Variants in PCDHA11 observed in about 807,000 individuals in gnomAD.
PCDHA11 encodes the protein protocadherin alpha 11.
In PCDHA11, 61 loss-of-function variants were observed where a neutral mutation model predicts 70.3. The observed-to-expected ratio is 0.87, with a 90% CI of 0.71 to 1.07. The LOEUF is 1.07. PCDHA11 is among the 50% of genes least tolerant of loss of function. The pLI is 0.00. For missense variants in PCDHA11, 1,324 were observed against 1,237.5 expected, an observed-to-expected ratio of 1.07 and a Z score of -1.05; for synonymous variants, 633 against 555.1, an observed-to-expected ratio of 1.14 and a Z score of -1.97.
intron 1 of PCDHA11, among the ~76,000 whole-genome samples, chr5:140,891,988 A>T (rs1213568167): frequency 6.6e-6 from 1 of 152,216 alleles, no homozygotes. Flanking sequence ...TAAATTACTC[A>T]GTCTGTGGCA....
At position 140,870,538 on chromosome 5, in the gene PCDHA11, C is replaced by T. The variant is rs539269989; in HGVS notation, c.1435C>T (p.Arg479Trp). The T allele has an allele frequency of 6.2e-7, 1 of 1,614,154 alleles. No homozygotes were observed. The highest frequency in any genetic ancestry group is 1.3e-5 in the African/African-American group (1 of 75,080). Residue 479 changes from arginine to tryptophan, a missense_variant, in exon 1 of 4, where the codon CGG becomes TGG. Transcript: ENST00000398640. ...PGCHIFTVSA[R>W]DADAQENALV... ...CTGCCACATCTTCACAGTGTCGGCG[C>T]GGGACGCGGACGCGCAGGAGAACGC...
At chr5:140,964,509 C>T (rs552530683) in intron 1 of PCDHA11, among the ~76,000 whole-genome samples, 1 of 152,258 alleles carries the variant, frequency 6.6e-6, no homozygotes, top group Non-Finnish European at 1.5e-5. Flanking sequence ...GGTCAATACC[C>T]AGTGGCCAGG....
At chr5:140,893,768 CT>C (rs1171880038) in intron 1 of PCDHA11, among the ~76,000 whole-genome samples, 1 of 152,132 alleles carries the variant, frequency 6.6e-6, no homozygotes, top group Non-Finnish European at 1.5e-5. Flanking sequence ...TGACTTGTCA[CT>C]TTTCTTTTAC....
chr5:140,972,386 A>G (rs2096534472), intron 1 of PCDHA11, among the ~76,000 whole-genome samples: 1 of 148,802 alleles, frequency 6.7e-6, no homozygotes, highest in African/African-American at 2.5e-5. Flanking sequence ...GTATTTGTTT[A>G]TTTGCTTCAC....
Position 140,870,880 on chromosome 5 carries a change from G to A in PCDHA11, c.1777G>A (p.Val593Met), listed in dbSNP as rs782304708. 6.2e-7 allele frequency: 1 copy of A among 1,613,948 alleles called. No homozygotes were observed. Among genetic ancestry groups the A allele is most frequent in the African/African-American group, 1.3e-5 (1 of 75,066 alleles). Residue 593 changes from valine (V) to methionine (M), a missense_variant, in exon 1 of 4, where the codon GTG becomes ATG. Physicochemically the swap from Val to Met is conservative, Grantham distance 21 (BLOSUM62 1). Coordinates refer to ENST00000398640, the MANE Select transcript of PCDHA11 (RefSeq NM_018902.5). The part of the protein sequence containing the change: ...SVGAGHVVAK[V>M]RAVDADSGYN... ...GGGTGCGGGCCACGTGGTGGCGAAG[G>A]TGCGCGCAGTGGATGCGGACTCAGG...
intron 3 of PCDHA11, among the ~76,000 whole-genome samples, chr5:140,996,441 C>G (rs2097726719): frequency 6.6e-6 from 1 of 152,146 alleles, no homozygotes; most frequent in Non-Finnish European, 1.5e-5. Context: ...TAGTCAGTGT[C>G]AAGTTGTGGT....
At chr5:140,931,962 A>G (rs1439185046) in intron 1 of PCDHA11, among the ~76,000 whole-genome samples, 1 of 151,924 alleles carries the variant, frequency 6.6e-6, no homozygotes, top group Non-Finnish European at 1.5e-5. Context: ...AATCATGTTG[A>G]TGCATATGTG....
intron 1 of PCDHA11, among the ~76,000 whole-genome samples, chr5:140,978,596 C>T (rs2096811689): frequency 6.6e-6 from 1 of 152,204 alleles, no homozygotes; most frequent in African/African-American, 2.4e-5. Context: ...CTTAATGGGG[C>T]ACTTGAGGGC....
At chr5:140,968,283 A>G in intron 1 of PCDHA11, 1 of 1,613,726 alleles carries the variant, frequency 6.2e-7, no homozygotes, top group Non-Finnish European at 8.5e-7. Flanking sequence ...GAGGTGACCT[A>G]CTCCCTTCTG....
At chr5:140,991,025 A>G (rs1440890555) in intron 3 of PCDHA11, among the ~76,000 whole-genome samples, 2 of 152,208 alleles carry the variant, frequency 1.3e-5, no homozygotes, top group African/African-American at 4.8e-5. Flanking sequence ...CACTTTACAT[A>G]TGTTGCATAC....
intron 1 of PCDHA11, among the ~76,000 whole-genome samples, chr5:140,975,707 A>C (rs1445809800): frequency 6.6e-6 from 1 of 152,204 alleles, no homozygotes; most frequent in African/African-American, 2.4e-5. Context: ...ATTTTACTTT[A>C]AATCTTAGAA....
At chr5:140,884,221 G>A in intron 1 of PCDHA11, 1 of 1,613,488 alleles carries the variant, frequency 6.2e-7, no homozygotes, top group East Asian at 2.2e-5. Context: ...TGGTGCTGGT[G>A]AAGGACCACG....
rs543675270 is a variant in PCDHA11 at position 140,877,484 on chromosome 5, A to G, written c.2391+5990A>G. 2.3e-5 allele frequency: 37 copies of G among 1,613,814 alleles called. No individual in the cohort carries two copies. The highest frequency in any genetic ancestry group is 3.1e-5 in the Non-Finnish European group (36 of 1,179,856). On this transcript the variant is annotated intron_variant, in intron 1 of 3. Transcript: ENST00000398640. ...GCCACGGTGCTGGTGTCGCTGGTGG[A>G]GAACGGCCAGGCCCCAAAGACGTCG...
At chr5:140,877,280 A>G (rs782014601) in intron 1 of PCDHA11, 14 of 1,613,734 alleles carry the variant, frequency 8.7e-6, no homozygotes, top group Non-Finnish European at 1.2e-5. Context: ...GACTCCGGCT[A>G]TAACGCTTGG....
At chr5:140,967,548 C>T (rs782750678) in intron 1 of PCDHA11, 15 of 1,613,922 alleles carry the variant, frequency 9.3e-6, no homozygotes, top group Non-Finnish European at 1.3e-5. Context: ...GACCAGTCCA[C>T]TTATCGCGTC....
At chr5:140,874,134 C>T (rs2054725501) in intron 1 of PCDHA11, among the ~76,000 whole-genome samples, 1 of 152,122 alleles carries the variant, frequency 6.6e-6, no homozygotes, top group African/African-American at 2.4e-5. Flanking sequence ...TTTAAGTTAT[C>T]TTATACTTGT....
At chr5:140,927,220 A>T (rs1554204179) in intron 1 of PCDHA11, 1 of 1,614,090 alleles carries the variant, frequency 6.2e-7, no homozygotes, top group Admixed American at 1.7e-5. Flanking sequence ...GCTGCACAAG[A>T]TTCGGATTCA....
At chr5:140,967,518 A>T (rs1554229639) in intron 1 of PCDHA11, 1 of 1,612,930 alleles carries the variant, frequency 6.2e-7, no homozygotes, top group Non-Finnish European at 8.5e-7. Flanking sequence ...CTGGACACTA[A>T]CGACAACTCT....
intron 1 of PCDHA11, chr5:140,966,544 G>C: frequency 2.1e-6 from 1 of 465,718 alleles, no homozygotes; most frequent in Non-Finnish European, 3.7e-6. Flanking sequence ...GCGACTCGGA[G>C]GCGAGCGGAG....
Sources: allele counts gnomAD v4.1 joint callset (sites outside exome capture counted in the v4.1 genomes callset), GRCh38; gene constraint gnomAD v4.1.1; transcripts MANE v1.5; gene names NCBI Gene and HGNC (gene_info 2026-07-23, HGNC 2026-07-21).